MRRF: variants seen among roughly 807,000 people sequenced by gnomAD.
The protein encoded by MRRF is ribosome-recycling factor, mitochondrial.
Under a neutral mutation model 25.1 loss-of-function variants are expected in MRRF, and 18 were observed. The observed-to-expected ratio is 0.72, with a 90% confidence interval of 0.50 to 1.06. The LOEUF (loss-of-function observed/expected upper bound fraction) is 1.06, where lower values mean the gene tolerates loss of function less well. Among genes scored for constraint, MRRF ranks in the 50% least tolerant of loss-of-function variants. The pLI, the probability that MRRF is intolerant of heterozygous loss-of-function variation, is 0.00. For missense variants in MRRF, 323 were observed against 319.3 expected, an observed-to-expected ratio of 1.01 and a Z score of -0.09; for synonymous variants, 113 against 112.1, an observed-to-expected ratio of 1.01 and a Z score of -0.05.
intron 5 of MRRF, among the ~76,000 whole-genome samples, chr9:122,310,339 C>G (rs1054927645): frequency 6.6e-6 from 1 of 152,144 alleles, no homozygotes; most frequent in African/African-American, 2.4e-5. Context: ...CCTCAGTTTT[C>G]TTTGGAGCCA....
At position 122,324,441 on chromosome 9, in the gene MRRF, A is replaced by G. The variant is rs956418177; in HGVS notation, c.*1824A>G. ...GCACCTCACCAATCTGGAAGGAACC[A>G]CTGTGTCCTGCTGCCTTCATTAGCA... On this transcript the variant is annotated 3_prime_UTR_variant, in exon 7 of 7. Transcript: ENST00000344641. The G allele has an allele frequency of 6.6e-6, 1 of 152,248 alleles. No homozygotes were observed. The highest frequency in any genetic ancestry group is 1.5e-5 in the Non-Finnish European group (1 of 68,060). The allele number at this position is 152,248 out of a possible 1,614,324, so 9.4% of individuals were successfully genotyped here. A position where few individuals can be genotyped will look rare whatever the true frequency, so the allele number is the denominator to read the frequency against.
chr9:122,297,915 C>G (rs901395586), intron 5 of MRRF, among the ~76,000 whole-genome samples: 1 of 152,134 alleles, frequency 6.6e-6, no homozygotes, highest in African/African-American at 2.4e-5. Context: ...ATTTTAATGC[C>G]TCCCCTGGCT....
chr9:122,308,284 A>C (rs1834986151), intron 5 of MRRF, among the ~76,000 whole-genome samples: 1 of 152,046 alleles, frequency 6.6e-6, no homozygotes, highest in Non-Finnish European at 1.5e-5. Context: ...CCATGTATTT[A>C]GATCTGGTTT....
intron 3 of MRRF, among the ~76,000 whole-genome samples, chr9:122,283,964 GTTTTGTTGT>G: frequency 7.1e-6 from 1 of 141,082 alleles, no homozygotes; most frequent in South Asian, 2.2e-4. Context: ...AATGTTAATA[GTTTTGTTGT>G]TGTTGTTGTT....
At chr9:122,265,708 G>C (rs1312037059) in intron 1 of MRRF, 1 of 1,269,190 alleles carries the variant, frequency 7.9e-7, no homozygotes, top group Non-Finnish European at 1.0e-6. Flanking sequence ...CAAGTCAGTG[G>C]TAGAGCTGCC....
At chr9:122,289,748 A>AG (rs888760741) in intron 4 of MRRF, among the ~76,000 whole-genome samples, 27 of 152,204 alleles carry the variant, frequency 1.8e-4, no homozygotes, top group African/African-American at 6.5e-4. Context: ...ATATCAGGCA[A>AG]GGCGTGGTGG....
rs1836213726 is a variant in MRRF at position 122,328,921 on chromosome 9, T to A, written c.*6304T>A. On this transcript the variant is annotated 3_prime_UTR_variant, in exon 7 of 7. Coordinates refer to ENST00000344641, the MANE Select transcript of MRRF (RefSeq NM_138777.5). ...CCAGGCTGGACTTGAACTCCTGGGT[T>A]CAAGTGATCCTGGAACTGCAGATAT... 1.3e-5 allele frequency: 2 copies of A among 152,142 alleles called. No individual in the cohort carries two copies. The highest frequency in any genetic ancestry group is 1.3e-4 in the Admixed American group (2 of 15,264). The allele number at this position is 152,142 out of a possible 1,614,324, so 9.4% of individuals were successfully genotyped here.
At chr9:122,304,769 A>T (rs1834729748) in intron 5 of MRRF, among the ~76,000 whole-genome samples, 1 of 152,120 alleles carries the variant, frequency 6.6e-6, no homozygotes, top group South Asian at 2.1e-4. Flanking sequence ...TAGTACTGTT[A>T]TTACCACCAC....
rs557412242 is a variant in MRRF at position 122,331,102 on chromosome 9, A to G, written c.*8485A>G. The stretch of plus-strand genomic sequence containing the variant: ...CAGTTTTGCCCTTTCTTCCCTCAAA[A>G]AAAGGTCTCTCCACTTCTCTGTGGG... On this transcript the variant is annotated 3_prime_UTR_variant, in exon 7 of 7. Coordinates refer to ENST00000344641, the MANE Select transcript of MRRF (RefSeq NM_138777.5). 2.5e-4 allele frequency: 38 copies of G among 152,260 alleles called. No individual in the cohort carries two copies. The highest frequency in any genetic ancestry group is 8.3e-4 in the South Asian group (4 of 4,812). 9.4% of individuals were successfully genotyped at this position (152,260 alleles called of 1,614,324 possible).
chr9:122,317,456 A>AT (rs1175691342), intron 6 of MRRF, among the ~76,000 whole-genome samples: 10 of 152,206 alleles, frequency 6.6e-5, no homozygotes, highest in Admixed American at 5.2e-4. Context: ...ATTTATAGGA[A>AT]TGTTCATTGA....
At chr9:122,290,598 G>A (rs142960389) in intron 4 of MRRF, among the ~76,000 whole-genome samples, 15 of 152,160 alleles carry the variant, frequency 9.9e-5, no homozygotes, top group African/African-American at 3.6e-4. Context: ...TATATCAACC[G>A]CCATTCATTT....
At chr9:122,285,316 C>A in intron 4 of MRRF, 29 bp downstream of exon 4, 1 of 1,354,584 alleles carries the variant, frequency 7.4e-7, no homozygotes, top group Non-Finnish European at 1.1e-6. Flanking sequence ...AATCTCTCTC[C>A]GTGGTCTCTT....
At chr9:122,265,447 AT>A in intron 1 of MRRF, 1 of 318,758 alleles carries the variant, frequency 3.1e-6, no homozygotes, top group East Asian at 8.3e-5. Flanking sequence ...TAGTATTGTC[AT>A]TTACGTTTTA....
intron 5 of MRRF, among the ~76,000 whole-genome samples, chr9:122,295,754 C>T (rs1434896505): frequency 6.6e-6 from 1 of 152,038 alleles, no homozygotes; most frequent in African/African-American, 2.4e-5. Flanking sequence ...CCCCTTAGAT[C>T]AGTTTCTGAT....
chr9:122,288,323 A>G (rs1281664730), intron 4 of MRRF, among the ~76,000 whole-genome samples: 1 of 152,218 alleles, frequency 6.6e-6, no homozygotes, highest in African/African-American at 2.4e-5. Context: ...ATGTGTATTG[A>G]TTGTCTGCTT....
In MRRF at chr9:122,327,627, C is replaced by T. The variant is rs981234450; in HGVS notation, c.*5010C>T. The T allele has an allele frequency of 2.6e-5, 4 of 152,186 alleles. No individual in the cohort carries two copies. Among genetic ancestry groups the T allele is most frequent in the Non-Finnish European group, 5.9e-5 (4 of 68,028 alleles). The allele number at this position is 152,186 out of a possible 1,614,324, so 9.4% of individuals were successfully genotyped here. On this transcript the variant is annotated 3_prime_UTR_variant, in exon 7 of 7. Transcript: ENST00000344641. ...GTGTGTTTCAGACCCCTGCTATTAA[C>T]ATTTCTGTTCCTTCTTGCATTTTCT...
chr9:122,276,358 A>G (rs1396558443), intron 2 of MRRF, among the ~76,000 whole-genome samples: 1 of 152,152 alleles, frequency 6.6e-6, no homozygotes, highest in African/African-American at 2.4e-5. Context: ...TGGCACAATC[A>G]TACCTCACTG....
Position 122,286,334 on chromosome 9 carries a change from G to A in MRRF, c.459+1047G>A, listed in dbSNP as rs573611160. On this transcript the variant is annotated intron_variant, in intron 4 of 6. Coordinates refer to ENST00000344641, the MANE Select transcript of MRRF (RefSeq NM_138777.5). ...ATCAAAGGGCTCTGATAGCTAATGG[G>A]CCAGGCACACCTGTGGGTGTGCTGT... Among the ~76,000 whole-genome samples the A allele has an allele frequency of 1.5e-3, 221 of 152,318 alleles. 1 individual carries two copies. The highest frequency in any genetic ancestry group is 5.0e-3 in the African/African-American group (208 of 41,568).
Position 122,300,240 on chromosome 9 carries a change from A to G in MRRF, c.551+8400A>G, listed in dbSNP as rs377757892. On this transcript the variant is annotated intron_variant, in intron 5 of 6. Transcript: ENST00000344641. ...GAGAAGCACAGTGGATGTGGCCTCA[A>G]TGTGATCTCAGCAGGAATGTCACAG... Among the ~76,000 whole-genome samples, 10 of 152,306 alleles carry G rather than the reference A, an allele frequency of 6.6e-5. No individual in the cohort carries two copies. The East Asian group carries it at 9.7e-4, about 15-fold the overall frequency.
Sources: gnomAD v4.1 joint callset for allele counts (sites outside exome capture counted in the v4.1 genomes callset) on GRCh38, gnomAD v4.1.1 for gene constraint, MANE v1.5 for transcripts, NCBI Gene and HGNC (gene_info 2026-07-23, HGNC 2026-07-21) for gene names.